Variants in SUGCT observed in about 807,000 individuals in gnomAD.
The protein encoded by SUGCT is succinyl-CoA:glutarate CoA-transferase.
In SUGCT, 41 loss-of-function variants were observed where a neutral mutation model predicts 55.0. The observed-to-expected ratio is 0.74, with a 90% CI of 0.58 to 0.97. The LOEUF (loss-of-function observed/expected upper bound fraction) is 0.97, where lower values mean the gene tolerates loss of function less well. Ranked by LOEUF, SUGCT falls within the 50% of genes least tolerant of loss-of-function variation. The pLI, the probability that SUGCT is intolerant of heterozygous loss-of-function variation, is 0.00. For missense variants in SUGCT, 568 were observed against 547.8 expected, an observed-to-expected ratio of 1.04 and a Z score of -0.37; for synonymous variants, 187 against 200.4, an observed-to-expected ratio of 0.93 and a Z score of 0.56.
chr7:40,197,838 A>C (rs1786374435), intron 6 of SUGCT, among the ~76,000 whole-genome samples: 1 of 152,028 alleles, frequency 6.6e-6, no homozygotes, highest in South Asian at 2.1e-4. Flanking sequence ...TCATCGAGTC[A>C]AAAAAAATGT....
chr7:40,911,709 A>C, the SUGCT span, among the ~76,000 whole-genome samples: 1 of 152,138 alleles, frequency 6.6e-6, no homozygotes, highest in Admixed American at 6.6e-5. Flanking sequence ...ATTTCCTCCC[A>C]ATTAGTGACA....
chr7:40,974,195 T>G, the SUGCT span, among the ~76,000 whole-genome samples: 1 of 152,206 alleles, frequency 6.6e-6, no homozygotes, highest in Non-Finnish European at 1.5e-5. Context: ...GTTGTTCACA[T>G]AGGGTGCCCT....
At chr7:40,467,049 A>C (rs1790150927) in intron 11 of SUGCT, among the ~76,000 whole-genome samples, 1 of 151,588 alleles carries the variant, frequency 6.6e-6, no homozygotes, top group African/African-American at 2.4e-5. Context: ...TAAAATACAA[A>C]AAACTAGCTG....
At chr7:40,531,420 T>A (rs957485195) in intron 12 of SUGCT, among the ~76,000 whole-genome samples, 12 of 148,614 alleles carry the variant, frequency 8.1e-5, no homozygotes, top group Non-Finnish European at 1.5e-4. Context: ...AGTTATTGGA[T>A]TTTTTTTTTG....
chr7:40,300,132 T>A (rs549035270), intron 8 of SUGCT, among the ~76,000 whole-genome samples: 1 of 152,344 alleles, frequency 6.6e-6, no homozygotes, highest in African/African-American at 2.4e-5. Flanking sequence ...TGGATGATAT[T>A]TTTAAAATTA....
At chr7:40,944,754 C>G in the SUGCT span, among the ~76,000 whole-genome samples, 1 of 141,802 alleles carries the variant, frequency 7.1e-6, no homozygotes, top group Non-Finnish European at 1.5e-5. Context: ...AATGCGGGCT[C>G]TAATGACTTT....
intron 9 of SUGCT, 105 bp downstream of exon 9, chr7:40,316,960 T>TTTTTTG: frequency 4.8e-5 from 25 of 521,640 alleles, no homozygotes; most frequent in Non-Finnish European, 6.3e-5. Flanking sequence ...CAGCTGTTTT[T>TTTTTTG]TTTTTTTTTT....
At chr7:40,623,211 A>G (rs1160657234) in intron 12 of SUGCT, among the ~76,000 whole-genome samples, 2 of 152,166 alleles carry the variant, frequency 1.3e-5, no homozygotes, top group African/African-American at 4.8e-5. Context: ...CCATCTCTCC[A>G]TGCCAGGGAC....
chr7:40,319,038 G>T (rs935424082), intron 9 of SUGCT, among the ~76,000 whole-genome samples: 1 of 152,068 alleles, frequency 6.6e-6, no homozygotes, highest in African/African-American at 2.4e-5. Context: ...AAAAGACATA[G>T]GATTTTTTTT....
In SUGCT at chr7:40,146,056, G is replaced by A. The variant is rs1005800887; in HGVS notation, c.100+10936G>A. On this transcript the variant is annotated intron_variant, in intron 1 of 13. Coordinates refer to ENST00000335693, the MANE Select transcript of SUGCT (RefSeq NM_001193313.2). The stretch of plus-strand genomic sequence containing the variant: ...TAAATCATCTTTTTCTAACAGAATA[G>A]CCTCATACTTTAAGGTTCTTGAGTC... 5.9e-5 allele frequency among the ~76,000 whole-genome samples: 9 copies of A among 151,500 alleles called. No individual in the cohort carries two copies. In the South Asian group the frequency reaches 6.2e-4, roughly 10 times the overall value.
At chr7:40,992,371 G>A in the SUGCT span, among the ~76,000 whole-genome samples, 1 of 152,094 alleles carries the variant, frequency 6.6e-6, no homozygotes, top group African/African-American at 2.4e-5. Context: ...CTTGATTTTG[G>A]TGGGTTTTGG....
intron 12 of SUGCT, among the ~76,000 whole-genome samples, chr7:40,521,221 T>A (rs1367907472): frequency 6.6e-6 from 1 of 152,110 alleles, no homozygotes; most frequent in Non-Finnish European, 1.5e-5. Flanking sequence ...GCCATCCCCG[T>A]GTGATGCTGT....
chr7:40,190,552 T>C (rs1785830968), intron 5 of SUGCT, among the ~76,000 whole-genome samples: 1 of 152,064 alleles, frequency 6.6e-6, no homozygotes, highest in South Asian at 2.1e-4. Flanking sequence ...CCCAGCCCAA[T>C]AGTACCTACT....
intron 11 of SUGCT, among the ~76,000 whole-genome samples, chr7:40,465,590 A>T (rs969581789): frequency 6.6e-6 from 1 of 152,152 alleles, no homozygotes; most frequent in Admixed American, 6.5e-5. Flanking sequence ...AGCCTAGGTG[A>T]CAGAGCAAGA....
chr7:40,654,398 T>C (rs1800922076), intron 12 of SUGCT, among the ~76,000 whole-genome samples: 1 of 152,230 alleles, frequency 6.6e-6, no homozygotes, highest in Non-Finnish European at 1.5e-5. Context: ...TACATTTTGA[T>C]GTGCCCTTGA....
At chr7:40,958,429 T>G in the SUGCT span, among the ~76,000 whole-genome samples, 1 of 151,748 alleles carries the variant, frequency 6.6e-6, no homozygotes, top group Non-Finnish European at 1.5e-5. Flanking sequence ...AACCTCGATA[T>G]CCTTTCTTCT....
At chr7:40,886,494 A>T in the SUGCT span, among the ~76,000 whole-genome samples, 1 of 152,208 alleles carries the variant, frequency 6.6e-6, no homozygotes, top group Non-Finnish European at 1.5e-5. Context: ...AATAAGTATT[A>T]CAGGTAGAGA....
intron 1 of SUGCT, among the ~76,000 whole-genome samples, chr7:40,145,739 A>T (rs1369498452): frequency 1.3e-5 from 2 of 152,212 alleles, no homozygotes; most frequent in African/African-American, 2.4e-5. Flanking sequence ...ATTGATATAG[A>T]TGGCTCCTTC....
chr7:40,993,362 C>T, the SUGCT span, among the ~76,000 whole-genome samples: 4 of 152,126 alleles, frequency 2.6e-5, no homozygotes, highest in African/African-American at 9.7e-5. Flanking sequence ...AAAGGAGATG[C>T]CCTGATGCTG....
Sources: gnomAD v4.1 joint callset for allele counts (sites outside exome capture counted in the v4.1 genomes callset) on GRCh38, gnomAD v4.1.1 for gene constraint, MANE v1.5 for transcripts, NCBI Gene and HGNC (gene_info 2026-07-23, HGNC 2026-07-21) for gene names.